USP46: variants seen among roughly 807,000 people sequenced by gnomAD.
USP46 encodes ubiquitin specific peptidase 46.
USP46 carries 12 observed loss-of-function variants against 44.4 expected under a neutral mutation model. The observed-to-expected ratio is 0.27, with a 90% CI of 0.17 to 0.44. The LOEUF (loss-of-function observed/expected upper bound fraction) is 0.44, where lower values mean the gene tolerates loss of function less well. Ranked by LOEUF, USP46 falls within the 20% of genes least tolerant of loss-of-function variation. The pLI, the probability that USP46 is intolerant of heterozygous loss-of-function variation, is 1.00. For synonymous variants in USP46, 155 were observed against 161.5 expected, an observed-to-expected ratio of 0.96 and a Z score of 0.31; for missense variants, 248 against 444.8, an observed-to-expected ratio of 0.56 and a Z score of 3.98.
rs55872358 is a variant in USP46 at position 52,611,589 on chromosome 4, T to C, written c.562-972A>G. Among the ~76,000 whole-genome samples, 1,404 of 152,270 alleles carry C rather than the reference T, an allele frequency of 9.2e-3. 17 individuals carry two copies. The highest frequency in any genetic ancestry group is 0.032 in the African/African-American group (1,333 of 41,554). ...ATGTGAATACACTCTTTTATACTTT[T>C]AGAAGTACAAATGGGGGCCAGGCGT... On this transcript the variant is annotated intron_variant, in intron 4 of 8. Coordinates refer to ENST00000441222, the MANE Select transcript of USP46 (RefSeq NM_022832.4).
rs187097700 is a variant in USP46 at position 52,623,494 on chromosome 4, G to A, written c.561+2524C>T. ...TGGAAACAAAATGAAATAAGTCAAGGATGCATGTTGTAATCTCTAGAGCAA... is the reference window on the plus strand; with the variant it reads ...TGGAAACAAAATGAAATAAGTCAAGAATGCATGTTGTAATCTCTAGAGCAA... On this transcript the variant is annotated intron_variant, in intron 4 of 8. Transcript: ENST00000441222. Among the ~76,000 whole-genome samples the A allele has an allele frequency of 2.0e-5, 3 of 152,234 alleles. No homozygotes were observed. In the East Asian group the frequency reaches 5.8e-4, roughly 29 times the overall value.
intron 1 of USP46, among the ~76,000 whole-genome samples, chr4:52,632,995 AAAG>A (rs1389432716): frequency 1.3e-3 from 114 of 87,512 alleles, no homozygotes; most frequent in African/African-American, 3.3e-3. Context: ...AAAAGAAAAG[AAAG>A]AAAGAAAGAA....
Position 52,632,999 on chromosome 4 carries a change from AAAGAAAGAAAG to A in USP46, c.37-1866_37-1856del, listed in dbSNP as rs1560406307. 9.8e-3 allele frequency among the ~76,000 whole-genome samples: 1,221 copies of A among 124,362 alleles called. 69 individuals carry two copies. Among genetic ancestry groups the A allele is most frequent in the Middle Eastern group, 0.02 (5 of 254 alleles). The allele number at this position is 124,362 out of a possible 152,430, so 81.6% of individuals were successfully genotyped here. A position where few individuals can be genotyped will look rare whatever the true frequency, so the allele number is the denominator to read the frequency against. ...AAGAAAGAAAGAAAAGAAAAGAAAG[AAAGAAAGAAAG>A]AAAGAAAGAAAGAAAGAAAAAGAAA... On this transcript the variant is annotated intron_variant, in intron 1 of 8. Transcript: ENST00000441222.
intron 5 of USP46, among the ~76,000 whole-genome samples, chr4:52,608,257 C>T (rs1285970448): frequency 2.0e-5 from 3 of 152,228 alleles, no homozygotes; most frequent in African/African-American, 4.8e-5. Flanking sequence ...ACACAGCTAT[C>T]GTGTCCAAGT....
intron 4 of USP46, among the ~76,000 whole-genome samples, chr4:52,617,075 C>T (rs1717181607): frequency 6.6e-6 from 1 of 152,124 alleles, no homozygotes; most frequent in African/African-American, 2.4e-5. Flanking sequence ...TAAAATAATT[C>T]CCAGCATTTA....
At chr4:52,621,954 G>A (rs1189720029) in intron 4 of USP46, among the ~76,000 whole-genome samples, 1 of 152,134 alleles carries the variant, frequency 6.6e-6, no homozygotes, top group Non-Finnish European at 1.5e-5. Flanking sequence ...TACAAGAAAT[G>A]GCCAATTCTC....
rs2109584535 is a variant in USP46 at position 52,594,278 on chromosome 4, A to G, written c.*3362T>C. On this transcript the variant is annotated 3_prime_UTR_variant, in exon 9 of 9. Coordinates refer to ENST00000441222, the MANE Select transcript of USP46 (RefSeq NM_022832.4). The stretch of plus-strand genomic sequence containing the variant: ...TGACATTATTGCTTAAAGTGCTTGA[A>G]TTGGTTACATTTTAAAAAATTAAGG... The G allele has an allele frequency of 6.6e-6, 1 of 152,340 alleles. No individual in the cohort carries two copies. Among genetic ancestry groups the G allele is most frequent in the South Asian group, 2.1e-4 (1 of 4,830 alleles). 9.4% of individuals were successfully genotyped at this position (152,340 alleles called of 1,614,324 possible). A position where few individuals can be genotyped will look rare whatever the true frequency, so the allele number is the denominator to read the frequency against.
In USP46 at chr4:52,649,375, A is replaced by T. The variant is rs1718672137; in HGVS notation, c.36+9740T>A. Among the ~76,000 whole-genome samples the T allele has an allele frequency of 8.5e-5, 13 of 152,368 alleles. No homozygotes were observed. In the South Asian group the frequency reaches 2.7e-3, roughly 32 times the overall value. ...CAAAAAGCTTTAAAGAAGGTATTTCATTGACTACCTTTGTTGTAAAAAGAT... is the reference window on the plus strand; with the variant it reads ...CAAAAAGCTTTAAAGAAGGTATTTCTTTGACTACCTTTGTTGTAAAAAGAT... On this transcript the variant is annotated intron_variant, in intron 1 of 8. Coordinates refer to ENST00000441222, the MANE Select transcript of USP46 (RefSeq NM_022832.4).
intron 8 of USP46, 53 bp downstream of exon 8, chr4:52,598,575 T>A (rs1410758419): frequency 1.5e-5 from 23 of 1,516,674 alleles, no homozygotes; most frequent in Non-Finnish European, 2.0e-5. Flanking sequence ...ATACACATTC[T>A]CCGAAATACT....
intron 7 of USP46, among the ~76,000 whole-genome samples, chr4:52,600,437 C>T (rs142378662): frequency 0.015 from 2,259 of 152,258 alleles, 26 homozygotes; most frequent in Non-Finnish European, 0.025. Flanking sequence ...AATGCTACTT[C>T]TGTGGGGAGG....
intron 4 of USP46, among the ~76,000 whole-genome samples, chr4:52,611,228 C>G (rs1716921516): frequency 6.6e-6 from 1 of 152,250 alleles, no homozygotes; most frequent in Non-Finnish European, 1.5e-5. Context: ...CTGGGGCTGG[C>G]CTGCAGCCTG....
chr4:52,647,087 G>A (rs1283894030), intron 1 of USP46, among the ~76,000 whole-genome samples: 2 of 152,198 alleles, frequency 1.3e-5, no homozygotes, highest in African/African-American at 2.4e-5. Flanking sequence ...TGTCCTGCTA[G>A]TCAGTGAGGG....
intron 2 of USP46, 119 bp from the exon 3 acceptor site, chr4:52,628,282 G>C (rs1717675036): frequency 1.1e-6 from 1 of 902,644 alleles, no homozygotes; most frequent in Non-Finnish European, 1.7e-6. Context: ...CCCTGTATTG[G>C]AGTCCAGCTC....
chr4:52,644,271 C>A (rs1718454655), intron 1 of USP46, among the ~76,000 whole-genome samples: 1 of 152,170 alleles, frequency 6.6e-6, no homozygotes, highest in Non-Finnish European at 1.5e-5. Flanking sequence ...CACCATTATT[C>A]CACAACCCTG....
At chr4:52,656,584 C>T in intron 1 of USP46, 2 of 1,308,312 alleles carry the variant, frequency 1.5e-6, no homozygotes, top group Non-Finnish European at 9.7e-7. Context: ...TGGTAGATGA[C>T]ATAACAATGA....
chr4:52,600,944 T>C (rs1716445743), intron 7 of USP46, among the ~76,000 whole-genome samples: 5 of 152,210 alleles, frequency 3.3e-5, no homozygotes. Context: ...TTAAAGTTAA[T>C]ACACACAGGA....
At chr4:52,645,675 C>T (rs1412529145) in intron 1 of USP46, among the ~76,000 whole-genome samples, 1 of 152,086 alleles carries the variant, frequency 6.6e-6, no homozygotes, top group Non-Finnish European at 1.5e-5. Context: ...CCATCTGTTC[C>T]CAGAAAGGCA....
At chr4:52,648,813 CTT>C (rs1332395622) in intron 1 of USP46, among the ~76,000 whole-genome samples, 1 of 152,204 alleles carries the variant, frequency 6.6e-6, no homozygotes, top group East Asian at 1.9e-4. Flanking sequence ...CCTATGGTAG[CTT>C]AACCTTAGAG....
chr4:52,625,672 T>TG (rs755706934), intron 4 of USP46, among the ~76,000 whole-genome samples: 3 of 152,206 alleles, frequency 2.0e-5, no homozygotes, highest in Non-Finnish European at 2.9e-5. Context: ...GTGATGGTCC[T>TG]GTTCTACATC....
Sources: allele counts gnomAD v4.1 joint callset (sites outside exome capture counted in the v4.1 genomes callset), GRCh38; gene constraint gnomAD v4.1.1; transcripts MANE v1.5; gene names NCBI Gene and HGNC (gene_info 2026-07-23, HGNC 2026-07-21).